TDRP: variants seen among roughly 807,000 people sequenced by gnomAD.
TDRP encodes testis development-related protein.
In TDRP, 12 loss-of-function variants were observed where a neutral mutation model predicts 10.5. The ratio of observed to expected loss-of-function variants is 1.15; its 90% CI spans 0.73 to 1.86. The LOEUF (loss-of-function observed/expected upper bound fraction) is 1.86. TDRP is among the 40% of genes most tolerant of loss of function. The probability of loss-of-function intolerance (pLI) is 0.00; values close to 1 mark genes in which losing one functional copy is unlikely to be tolerated. For missense variants in TDRP, 353 were observed against 229.2 expected (o/e 1.54, Z -3.49); for synonymous variants, 139 against 95.4 (o/e 1.46, Z -2.67).
intron 1 of TDRP, among the ~76,000 whole-genome samples, chr8:534,974 T>C (rs996390225): frequency 2.0e-5 from 3 of 152,126 alleles, no homozygotes; most frequent in Admixed American, 6.5e-5. Flanking sequence ...ACACAACGCA[T>C]TCTGAGTAAA....
intron 1 of TDRP, among the ~76,000 whole-genome samples, chr8:499,272 C>A (rs1287957810): frequency 6.6e-6 from 1 of 152,132 alleles, no homozygotes. Flanking sequence ...CTCTCTGTTA[C>A]CCAGGCTGGT....
rs77103073 is a variant in TDRP at position 520,191 on chromosome 8, T to A, written c.108+24459A>T. Among the ~76,000 whole-genome samples, 805 of 152,346 alleles carry A rather than the reference T, an allele frequency of 5.3e-3. 14 individuals carry two copies. Among genetic ancestry groups the A allele is most frequent in the Admixed American group, 0.04 (607 of 15,300 alleles). Reference sequence around the variant, plus strand: ...GACTACTTTCAATACCTCATGTAAGTAGAACCACGCATTAGTTGTTTTTTT... The same window carrying A: ...GACTACTTTCAATACCTCATGTAAGAAGAACCACGCATTAGTTGTTTTTTT... On this transcript the variant is annotated intron_variant, in intron 1 of 2. Transcript: ENST00000324079.
chr8:512,999 T>G (rs1801659485), intron 1 of TDRP, among the ~76,000 whole-genome samples: 1 of 150,706 alleles, frequency 6.6e-6, no homozygotes, highest in African/African-American at 2.4e-5. Flanking sequence ...GGTGGAGAAA[T>G]TGAATTAGTA....
chr8:504,980 C>T (rs769336429), intron 1 of TDRP, among the ~76,000 whole-genome samples: 6 of 152,198 alleles, frequency 3.9e-5, no homozygotes, highest in African/African-American at 9.7e-5. Context: ...TTACTTCCCA[C>T]ACCGTTTTTA....
intron 1 of TDRP, among the ~76,000 whole-genome samples, chr8:499,065 T>C (rs1475462693): frequency 6.6e-6 from 1 of 152,190 alleles, no homozygotes; most frequent in East Asian, 1.9e-4. Flanking sequence ...AATGGACTAA[T>C]ACAAGGTGAT....
chr8:511,422 C>T (rs1159736219), intron 1 of TDRP, among the ~76,000 whole-genome samples: 3 of 151,908 alleles, frequency 2.0e-5, no homozygotes, highest in Admixed American at 6.6e-5. Context: ...GAAGATATAA[C>T]AATTAAAGAC....
chr8:510,803 C>T (rs909108436), intron 1 of TDRP, among the ~76,000 whole-genome samples: 1 of 152,252 alleles, frequency 6.6e-6, no homozygotes, highest in South Asian at 2.1e-4. Context: ...ACAAAGTGCA[C>T]CGGTAATGGT....
intron 1 of TDRP, among the ~76,000 whole-genome samples, chr8:508,824 C>A (rs1310088510): frequency 1.3e-5 from 2 of 152,196 alleles, no homozygotes; most frequent in African/African-American, 2.4e-5. Context: ...AAAGTCTAAT[C>A]TGAGACAAGG....
At chr8:523,209 A>G (rs908591759) in intron 1 of TDRP, among the ~76,000 whole-genome samples, 53 of 152,310 alleles carry the variant, frequency 3.5e-4, no homozygotes, top group African/African-American at 1.2e-3. Context: ...GGATTACATA[A>G]AACATCTTAT....
intron 1 of TDRP, among the ~76,000 whole-genome samples, chr8:543,897 A>T (rs1019416177): frequency 7.6e-6 from 1 of 131,922 alleles, no homozygotes; most frequent in Non-Finnish European, 1.6e-5. Context: ...TTCATTGTAC[A>T]TGAAAAAGAG....
chr8:506,676 T>C (rs1450161944), intron 1 of TDRP, among the ~76,000 whole-genome samples: 1 of 152,190 alleles, frequency 6.6e-6, no homozygotes, highest in African/African-American at 2.4e-5. Context: ...AGCAGGACTG[T>C]CACTCGGAGA....
intron 2 of TDRP, among the ~76,000 whole-genome samples, chr8:493,260 G>C (rs181547164): frequency 2.6e-5 from 4 of 152,346 alleles, no homozygotes; most frequent in South Asian, 4.1e-4. Context: ...AGGGAAGAAA[G>C]ATCCTAAACT....
At chr8:518,431 T>C (rs1387250795) in intron 1 of TDRP, among the ~76,000 whole-genome samples, 1 of 152,100 alleles carries the variant, frequency 6.6e-6, no homozygotes, top group African/African-American at 2.4e-5. Flanking sequence ...AAAACTTCAC[T>C]AAGACAACTG....
At chr8:543,930 G>A (rs1308414493) in intron 1 of TDRP, among the ~76,000 whole-genome samples, 1 of 141,338 alleles carries the variant, frequency 7.1e-6, no homozygotes, top group Non-Finnish European at 1.5e-5. Flanking sequence ...AAAAGGGAGG[G>A]GGGGGGAGGG....
chr8:533,356 G>T (rs534024703), intron 1 of TDRP, among the ~76,000 whole-genome samples: 1 of 152,118 alleles, frequency 6.6e-6, no homozygotes, highest in African/African-American at 2.4e-5. Flanking sequence ...AGTTCCTTGC[G>T]ACTGTCAGGG....
chr8:528,377 C>T (rs1584878222), intron 1 of TDRP, among the ~76,000 whole-genome samples: 1 of 151,850 alleles, frequency 6.6e-6, no homozygotes, highest in Non-Finnish European at 1.5e-5. Flanking sequence ...AAAAATAGAA[C>T]TACCATAGGA....
At chr8:525,769 C>T (rs748120074) in intron 1 of TDRP, among the ~76,000 whole-genome samples, 9 of 151,914 alleles carry the variant, frequency 5.9e-5, no homozygotes, top group Non-Finnish European at 1.0e-4. Context: ...AAGAAAAGAC[C>T]GCAGAACAAC....
chr8:540,698 A>G (rs543259753), intron 1 of TDRP, among the ~76,000 whole-genome samples: 1 of 152,234 alleles, frequency 6.6e-6, no homozygotes, highest in Admixed American at 6.5e-5. Flanking sequence ...TTATTTTCTA[A>G]AATGTTAAAA....
intron 1 of TDRP, among the ~76,000 whole-genome samples, chr8:526,757 G>A (rs961477518): frequency 6.6e-6 from 1 of 152,062 alleles, no homozygotes; most frequent in African/African-American, 2.4e-5. Flanking sequence ...TTTTCATACT[G>A]AAGGGAAAAA....
Sources: allele counts gnomAD v4.1 joint callset (sites outside exome capture counted in the v4.1 genomes callset), GRCh38; gene constraint gnomAD v4.1.1; transcripts MANE v1.5; gene names NCBI Gene and HGNC (gene_info 2026-07-23, HGNC 2026-07-21).